The following FRMD4A variants were observed in gnomAD, a reference collection of about 807,000 sequenced individuals.
The protein encoded by FRMD4A is FERM domain containing 4A, also known as FERM domain-containing protein 4A.
A neutral mutation model predicts 129.1 loss-of-function variants in FRMD4A; 29 were observed. That is an observed-to-expected ratio of 0.22 (90% CI 0.17 to 0.31). The LOEUF is 0.31. FRMD4A is among the 10% of genes least tolerant of loss of function. The pLI is 1.00. For missense variants in FRMD4A, 1,272 were observed against 1,375.8 expected (o/e 0.92, Z 1.19); for synonymous variants, 634 against 571.6 (o/e 1.11, Z -1.56).
intron 8 of FRMD4A, among the ~76,000 whole-genome samples, chr10:13,752,003 G>A (rs184464621): frequency 1.3e-5 from 2 of 152,258 alleles, no homozygotes; most frequent in African/African-American, 2.4e-5. Context: ...GCAACAGAGG[G>A]AGACCCTGTC....
At chr10:14,045,593 T>G (rs1375166267) in intron 2 of FRMD4A, among the ~76,000 whole-genome samples, 1 of 148,774 alleles carries the variant, frequency 6.7e-6, no homozygotes, top group Non-Finnish European at 1.5e-5. Flanking sequence ...TTATATACAA[T>G]AAAATATATT....
chr10:14,142,287 C>G (rs1839877590), intron 2 of FRMD4A, among the ~76,000 whole-genome samples: 1 of 152,086 alleles, frequency 6.6e-6, no homozygotes, highest in African/African-American at 2.4e-5. Flanking sequence ...TGACAGTCTC[C>G]AAGTTGTTGA....
intron 8 of FRMD4A, among the ~76,000 whole-genome samples, chr10:13,758,155 C>A (rs1235419986): frequency 1.3e-5 from 2 of 152,208 alleles, no homozygotes; most frequent in East Asian, 1.9e-4. Context: ...TGGATATAGT[C>A]CCTGAAATGT....
chr10:13,697,346 C>A (rs1160259627), intron 14 of FRMD4A, among the ~76,000 whole-genome samples: 1 of 152,112 alleles, frequency 6.6e-6, no homozygotes, highest in Admixed American at 6.5e-5. Flanking sequence ...CGGGGTTTTG[C>A]CATGTTGGCC....
intron 2 of FRMD4A, among the ~76,000 whole-genome samples, chr10:14,182,410 G>T (rs1158585290): frequency 2.6e-5 from 4 of 152,192 alleles, no homozygotes; most frequent in Admixed American, 1.3e-4. Flanking sequence ...AGCCAGGCAA[G>T]GTGGCACATG....
chr10:13,733,702 C>T (rs1430156799), intron 12 of FRMD4A, among the ~76,000 whole-genome samples: 1 of 152,268 alleles, frequency 6.6e-6, no homozygotes, highest in Non-Finnish European at 1.5e-5. Flanking sequence ...GCTGGGATTA[C>T]AGGCGTGAGC....
intron 2 of FRMD4A, among the ~76,000 whole-genome samples, chr10:13,870,252 T>A (rs2094424027): frequency 6.6e-6 from 1 of 152,266 alleles, no homozygotes; most frequent in Non-Finnish European, 1.5e-5. Flanking sequence ...CTTTACATAT[T>A]GCTGCTAGCA....
intron 2 of FRMD4A, among the ~76,000 whole-genome samples, chr10:14,090,782 T>A (rs1836616170): frequency 6.6e-6 from 1 of 152,230 alleles, no homozygotes; most frequent in Non-Finnish European, 1.5e-5. Context: ...GCTTCAGGTT[T>A]CATTAAAGAG....
Position 14,153,923 on chromosome 10 carries a change from G to C in FRMD4A, c.45+176135C>G, listed in dbSNP as rs188953699. On this transcript the variant is annotated intron_variant, in intron 2 of 24. Coordinates refer to ENST00000357447, the MANE Select transcript of FRMD4A (RefSeq NM_018027.5). ...CCTGCTGTAATTCTCACTCCTGGCA[G>C]ATGGCTCCGCCTCTGCCCTCCAGTA... is the stretch of plus-strand genomic sequence containing the variant. 7.6e-3 allele frequency among the ~76,000 whole-genome samples: 1,164 copies of C among 152,322 alleles called. 8 individuals are homozygous for C. Among genetic ancestry groups the C allele is most frequent in the Non-Finnish European group, 0.013 (913 of 68,038 alleles).
intron 2 of FRMD4A, among the ~76,000 whole-genome samples, chr10:13,938,883 A>G (rs749837725): frequency 5.3e-5 from 8 of 152,122 alleles, no homozygotes; most frequent in Non-Finnish European, 8.8e-5. Flanking sequence ...CCCAAATGTC[A>G]ATAGTACCAA....
At position 14,222,436 on chromosome 10, in the gene FRMD4A, A is replaced by G. The variant is rs7900046; in HGVS notation, c.45+107622T>C. 2.9e-3 allele frequency among the ~76,000 whole-genome samples: 445 copies of G among 152,300 alleles called. 2 individuals are homozygous for G. Among genetic ancestry groups the G allele is most frequent in the African/African-American group, 9.6e-3 (400 of 41,556 alleles). ...TAAGTGATGTCTATCCAGTTGCCCA[A>G]TCATCAGAATCATCTTTGGAGAGCA... On this transcript the variant is annotated intron_variant, in intron 2 of 24. Coordinates refer to ENST00000357447, the MANE Select transcript of FRMD4A (RefSeq NM_018027.5).
At chr10:14,222,250 C>T (rs537567145) in intron 2 of FRMD4A, among the ~76,000 whole-genome samples, 6 of 152,296 alleles carry the variant, frequency 3.9e-5, no homozygotes, top group Admixed American at 6.5e-5. Context: ...GGTTCTTTGT[C>T]GACAGGGCCG....
chr10:14,263,104 C>T (rs1037855581), intron 2 of FRMD4A, among the ~76,000 whole-genome samples: 5 of 152,150 alleles, frequency 3.3e-5, no homozygotes, highest in Non-Finnish European at 5.9e-5. Flanking sequence ...GACCCGTGTG[C>T]GATATTCCAA....
chr10:13,722,338 C>T (rs1564689890), intron 12 of FRMD4A, among the ~76,000 whole-genome samples: 1 of 150,554 alleles, frequency 6.6e-6, no homozygotes, highest in South Asian at 2.1e-4. Flanking sequence ...CTCAAGTAAC[C>T]CCCCCACCTC....
chr10:13,849,256 C>T (rs950021769), intron 3 of FRMD4A, among the ~76,000 whole-genome samples: 1 of 152,196 alleles, frequency 6.6e-6, no homozygotes, highest in African/African-American at 2.4e-5. Context: ...CACACGCCTT[C>T]CCAGCCCTTG....
intron 12 of FRMD4A, among the ~76,000 whole-genome samples, chr10:13,714,034 ATATATAT>A (rs2088466007): frequency 9.0e-5 from 1 of 11,114 alleles, no homozygotes; most frequent in Non-Finnish European, 1.8e-4. Context: ...ATACATATAT[ATATATAT>A]ATATATATAT....
chr10:14,081,127 T>G (rs1225198799), intron 2 of FRMD4A, among the ~76,000 whole-genome samples: 1 of 152,126 alleles, frequency 6.6e-6, no homozygotes, highest in Non-Finnish European at 1.5e-5. Flanking sequence ...AGCTATCAAT[T>G]TGGTAGAGTT....
At chr10:13,714,035 T>TAAA (rs56952909) in intron 12 of FRMD4A, among the ~76,000 whole-genome samples, 30,142 of 46,514 alleles carry the variant, frequency 0.65, 10,037 homozygotes, top group East Asian at 0.78. Context: ...TACATATATA[T>TAAA]ATATATATAT....
intron 2 of FRMD4A, among the ~76,000 whole-genome samples, chr10:14,157,638 T>G (rs1030351804): frequency 6.6e-6 from 1 of 152,200 alleles, no homozygotes; most frequent in Non-Finnish European, 1.5e-5. Context: ...TCTGGCTGAG[T>G]TAAGGGCCAC....
Sources: gnomAD v4.1 joint callset for allele counts (sites outside exome capture counted in the v4.1 genomes callset) on GRCh38, gnomAD v4.1.1 for gene constraint, MANE v1.5 for transcripts, NCBI Gene and HGNC (gene_info 2026-07-23, HGNC 2026-07-21) for gene names.